Variants in ARID1A observed in about 807,000 individuals in gnomAD.
The protein encoded by ARID1A is AT-rich interactive domain-containing protein 1A.
ARID1A carries 20 observed loss-of-function variants against 212.6 expected under a neutral mutation model. The ratio of observed to expected loss-of-function variants is 0.09; its 90% CI spans 0.07 to 0.14. The LOEUF is 0.14. Among genes scored for constraint, ARID1A ranks in the 10% least tolerant of loss-of-function variants. ARID1A has a pLI of 1.00. For synonymous variants in ARID1A, 1,376 were observed against 1,222.1 expected, an observed-to-expected ratio of 1.13 and a Z score of -2.63; for missense variants, 2,587 against 3,059.0, an observed-to-expected ratio of 0.85 and a Z score of 3.64.
intron 1 of ARID1A, among the ~76,000 whole-genome samples, chr1:26,719,092 C>T (rs376423725): frequency 1.1e-3 from 173 of 152,270 alleles, no homozygotes; most frequent in South Asian, 2.5e-3. Flanking sequence ...ACAGGAATTG[C>T]CAGGCCACTA....
At chr1:26,749,427 G>A (rs981317788) in intron 4 of ARID1A, among the ~76,000 whole-genome samples, 2 of 152,118 alleles carry the variant, frequency 1.3e-5, no homozygotes, top group African/African-American at 2.4e-5. Context: ...AGAAGCACTC[G>A]ATGTGATTAA....
In ARID1A at chr1:26,737,445, C is replaced by T. The variant is rs1023818213; in HGVS notation, c.1920+4653C>T. 2.2e-4 allele frequency among the ~76,000 whole-genome samples: 33 copies of T among 152,252 alleles called. 1 individual carries two copies. Among genetic ancestry groups the T allele is most frequent in the Non-Finnish European group, 8.8e-5 (6 of 68,010 alleles). On this transcript the variant is annotated intron_variant, in intron 4 of 19. Transcript: ENST00000324856. ...ACTCTACTTACTTAAATGGTAAGTT[C>T]CTGGAAGGCAGGCACTGTGTTATTG...
rs2081005160 is a variant in ARID1A at position 26,762,837 on chromosome 1, G to A, written c.2420-136G>A. On this transcript the variant is annotated intron_variant, in intron 7 of 19. Transcript: ENST00000324856. ...CTGGAATCCCCCCCTTTTTCTCATGGCGATAAAGGCTACCATGAAGTTGAT... is the reference window on the plus strand; with the variant it reads ...CTGGAATCCCCCCCTTTTTCTCATGACGATAAAGGCTACCATGAAGTTGAT... The A allele has an allele frequency of 8.8e-6, 8 of 909,668 alleles. No homozygotes were observed. In the Admixed American group the frequency reaches 2.6e-4, roughly 30 times the overall value. The allele number at this position is 909,668 out of a possible 1,614,324, so 56.3% of individuals were successfully genotyped here.
intron 1 of ARID1A, among the ~76,000 whole-genome samples, chr1:26,706,060 A>G (rs2080389088): frequency 6.6e-6 from 1 of 152,220 alleles, no homozygotes; most frequent in South Asian, 2.1e-4. Flanking sequence ...TGATATAAAT[A>G]CTAAGGGGCT....
At chr1:26,705,286 C>CCTATA in intron 1 of ARID1A, among the ~76,000 whole-genome samples, 1 of 152,094 alleles carries the variant, frequency 6.6e-6, no homozygotes, top group South Asian at 2.1e-4. Flanking sequence ...TATAGGCTTC[C>CCTATA]ACCACCATGC....
In ARID1A at chr1:26,702,062, A is replaced by G. The variant is rs577529316; in HGVS notation, c.1137+4522A>G. Among the ~76,000 whole-genome samples the G allele has an allele frequency of 6.6e-4, 100 of 152,192 alleles. 2 individuals carry two copies. The South Asian group carries it at 0.02, about 31-fold the overall frequency. On this transcript the variant is annotated intron_variant, in intron 1 of 19. Coordinates refer to ENST00000324856, the MANE Select transcript of ARID1A (RefSeq NM_006015.6). ...CTGCTGCTTTTGGGGAGGGGTAGGG[A>G]GAGAGAGGGAGCATTAAGCTCTCCA...
chr1:26,716,268 AT>A (rs2080502329), intron 1 of ARID1A, among the ~76,000 whole-genome samples: 1 of 152,088 alleles, frequency 6.6e-6, no homozygotes, highest in South Asian at 2.1e-4. Flanking sequence ...AGTTGCTTAC[AT>A]TAATGCAAAA....
chr1:26,737,046 T>C (rs1192525142), intron 4 of ARID1A, among the ~76,000 whole-genome samples: 1 of 152,230 alleles, frequency 6.6e-6, no homozygotes, highest in East Asian at 1.9e-4. Context: ...GGATCACTTA[T>C]CCCTCTTGGT....
chr1:26,700,680 TACTACGGAAACATCAAATG>T (rs1432589354), intron 1 of ARID1A, among the ~76,000 whole-genome samples: 3 of 152,234 alleles, frequency 2.0e-5, no homozygotes, highest in Admixed American at 2.0e-4. Flanking sequence ...TGTTAGTTTC[TACTACGGAAACATCAAATG>T]ATATTTCTGA....
intron 13 of ARID1A, 51 bp downstream of exon 13, chr1:26,772,683 G>A (rs2124105425): frequency 1.2e-6 from 2 of 1,613,528 alleles, no homozygotes; most frequent in Non-Finnish European, 1.7e-6. Flanking sequence ...GAAGATAAGT[G>A]CATGGGAACT....
At chr1:26,736,539 G>A (rs964321521) in intron 4 of ARID1A, among the ~76,000 whole-genome samples, 5 of 149,804 alleles carry the variant, frequency 3.3e-5, no homozygotes, top group African/African-American at 1.2e-4. Context: ...TGAGGCAGGA[G>A]AATTGCTTGA....
chr1:26,741,351 G>C (rs988753527), intron 4 of ARID1A, among the ~76,000 whole-genome samples: 1 of 152,200 alleles, frequency 6.6e-6, no homozygotes, highest in Non-Finnish European at 1.5e-5. Flanking sequence ...ATAAGGAAAA[G>C]GCCTTATTTC....
rs1421538465 is a variant in ARID1A at position 26,733,200 on chromosome 1, C to G, written c.1920+408C>G. ...CCTGGAGCAATTCAGCATGCATTGT[C>G]ACATTGAGCGTGGCTGGAGCAAAAG... On this transcript the variant is annotated intron_variant, in intron 4 of 19. Transcript: ENST00000324856. Among the ~76,000 whole-genome samples the G allele has an allele frequency of 2.0e-5, 3 of 151,754 alleles. No homozygotes were observed. The East Asian group carries it at 5.8e-4, about 29-fold the overall frequency.
At chr1:26,727,084 A>G (rs990385792) in intron 1 of ARID1A, among the ~76,000 whole-genome samples, 1 of 152,258 alleles carries the variant, frequency 6.6e-6, no homozygotes, top group Non-Finnish European at 1.5e-5. Context: ...AGAGCCAGGT[A>G]AAAGCACTGT....
chr1:26,757,374 G>T (rs1367635283), intron 4 of ARID1A, among the ~76,000 whole-genome samples: 1 of 151,610 alleles, frequency 6.6e-6, no homozygotes, highest in African/African-American at 2.4e-5. Flanking sequence ...GGAGGCTGAG[G>T]CAGGAGAATG....
intron 1 of ARID1A, among the ~76,000 whole-genome samples, chr1:26,702,543 T>C (rs2124751578): frequency 6.6e-6 from 1 of 152,342 alleles, no homozygotes; most frequent in South Asian, 2.1e-4. Flanking sequence ...GCTGTCAATA[T>C]GTACCCAGGA....
In ARID1A at chr1:26,774,568, A is replaced by G. The variant is rs763432392; in HGVS notation, c.4341A>G (p.Pro1447=). ...ATATAATERR[P]AGGPQNQFPF... ...CCACAGCTGCTACTGAGCGCCGACC[A>G]GCAGGCGGCCCCCAGAACCAATTTC... The change falls in exon 18 of 20, where the codon CCA becomes CCG. Residue 1447 remains proline, a synonymous_variant. Coordinates refer to ENST00000324856, the MANE Select transcript of ARID1A (RefSeq NM_006015.6). This position sits in a 1 kb window ranked among gnomAD's most constrained non-coding sequence, Gnocchi z 5.6. The G allele has an allele frequency of 6.2e-7, 1 of 1,614,206 alleles. No individual in the cohort carries two copies.
In ARID1A at chr1:26,762,443, C is replaced by T. The variant is rs529512210; in HGVS notation, c.2419+124C>T. The T allele has an allele frequency of 5.4e-6, 6 of 1,115,808 alleles. No homozygotes were observed. In the South Asian group the frequency reaches 9.5e-5, roughly 18 times the overall value. The allele number at this position is 1,115,808 out of a possible 1,614,324, so 69.1% of individuals were successfully genotyped here. ...GGCTGTCCTTTGCCTTTAATCCACCCAGCCCAGGCCCTGAAGTAGGGCAAG... is the reference window on the plus strand; with the variant it reads ...GGCTGTCCTTTGCCTTTAATCCACCTAGCCCAGGCCCTGAAGTAGGGCAAG... On this transcript the variant is annotated intron_variant, in intron 7 of 19. Coordinates refer to ENST00000324856, the MANE Select transcript of ARID1A (RefSeq NM_006015.6).
chr1:26,741,864 T>TTGG (rs1170540754), intron 4 of ARID1A, among the ~76,000 whole-genome samples: 1 of 152,254 alleles, frequency 6.6e-6, no homozygotes, highest in Non-Finnish European at 1.5e-5. Flanking sequence ...CGCTGAGATC[T>TTGG]TGGAATTACA....
Sources: gnomAD v4.1 joint callset for allele counts (sites outside exome capture counted in the v4.1 genomes callset) on GRCh38, gnomAD v4.1.1 for gene constraint, Gnocchi (gnomAD v3.1) non-coding constraint, MANE v1.5 for transcripts, NCBI Gene and HGNC (gene_info 2026-07-23, HGNC 2026-07-21) for gene names.